MTRF1: variants seen among roughly 807,000 people sequenced by gnomAD.
MTRF1 encodes mitochondrial translation release factor 1, also known as peptide chain release factor 1, mitochondrial.
A neutral mutation model predicts 62.9 loss-of-function variants in MTRF1; 51 were observed. The ratio of observed to expected loss-of-function variants is 0.81; its 90% CI spans 0.65 to 1.02. The LOEUF is 1.02. Ranked by LOEUF, MTRF1 falls within the 50% of genes least tolerant of loss-of-function variation. The probability of loss-of-function intolerance (pLI) is 0.00; values close to 1 mark genes in which losing one functional copy is unlikely to be tolerated. For missense variants in MTRF1, 446 were observed against 530.0 expected, an observed-to-expected ratio of 0.84 and a Z score of 1.56; for synonymous variants, 158 against 181.9, an observed-to-expected ratio of 0.87 and a Z score of 1.06.
intron 2 of MTRF1, among the ~76,000 whole-genome samples, chr13:41,255,806 T>C (rs1001224539): frequency 1.3e-5 from 2 of 152,172 alleles, no homozygotes; most frequent in Non-Finnish European, 2.9e-5. Context: ...AGTTAAATCA[T>C]GGAACTCTAG....
the MTRF1 span, among the ~76,000 whole-genome samples, chr13:41,300,647 C>T: frequency 6.6e-6 from 1 of 151,612 alleles, no homozygotes; most frequent in African/African-American, 2.4e-5. Flanking sequence ...TGGCCTCAAG[C>T]AATCCTCCTG....
chr13:41,272,795 T>A, the MTRF1 span, among the ~76,000 whole-genome samples: 17 of 152,002 alleles, frequency 1.1e-4, no homozygotes, highest in African/African-American at 4.1e-4. Context: ...TCCATCGTCA[T>A]GGAAGCAGAA....
the MTRF1 span, among the ~76,000 whole-genome samples, chr13:41,276,854 C>G: frequency 1.3e-5 from 2 of 152,084 alleles, no homozygotes; most frequent in African/African-American, 4.8e-5. Context: ...AACCTATTGT[C>G]CTTTTGAGAT....
chr13:41,298,890 A>G, the MTRF1 span, among the ~76,000 whole-genome samples: 1 of 152,086 alleles, frequency 6.6e-6, no homozygotes, highest in Non-Finnish European at 1.5e-5. Flanking sequence ...GTCAAAAGAG[A>G]AGGAGGAGGC....
chr13:41,306,390 A>T, the MTRF1 span, among the ~76,000 whole-genome samples: 1 of 152,124 alleles, frequency 6.6e-6, no homozygotes, highest in African/African-American at 2.4e-5. Flanking sequence ...TCTCAAAAAA[A>T]AAAAAAGGAA....
At chr13:41,284,538 T>C in the MTRF1 span, among the ~76,000 whole-genome samples, 6 of 147,116 alleles carry the variant, frequency 4.1e-5, no homozygotes, top group Admixed American at 1.4e-4. Flanking sequence ...AGTGAGACCG[T>C]GTCTCAAAAA....
At chr13:41,269,886 T>C in the MTRF1 span, among the ~76,000 whole-genome samples, 2 of 152,190 alleles carry the variant, frequency 1.3e-5, no homozygotes, top group Non-Finnish European at 2.9e-5. Flanking sequence ...TTCCTGAGCG[T>C]AGGCCAAACT....
chr13:41,307,246 G>A, the MTRF1 span, among the ~76,000 whole-genome samples: 1 of 152,064 alleles, frequency 6.6e-6, no homozygotes, highest in Non-Finnish European at 1.5e-5. Context: ...GAGGGGCCTG[G>A]TAGGAGGTGA....
At chr13:41,298,408 G>A in the MTRF1 span, among the ~76,000 whole-genome samples, 1 of 1,138 alleles carries the variant, frequency 8.8e-4, no homozygotes, top group African/African-American at 3.0e-3. Context: ...CACTCTCATA[G>A]TGTAACATTA....
chr13:41,311,367 C>A, the MTRF1 span: 2 of 647,930 alleles, frequency 3.1e-6, no homozygotes, highest in Non-Finnish European at 2.7e-6. Context: ...GCCACCCGTG[C>A]CGAACAGCCA....
chr13:41,225,626 G>C (rs555920766), intron 8 of MTRF1, among the ~76,000 whole-genome samples: 22 of 151,636 alleles, frequency 1.5e-4, no homozygotes, highest in Non-Finnish European at 5.9e-5. Context: ...ATCCTAAAAG[G>C]CCACAAAATC....
chr13:41,260,538 G>A lies in MTRF1; in HGVS notation c.370C>T (p.Gln124Ter). The change falls in exon 2 of 10, where the codon CAG (glutamine) becomes TAG (stop). Residue 124 changes from glutamine to a stop codon, truncating the protein, a stop_gained. Transcript: ENST00000379480. LOFTEE classifies it high-confidence loss of function. ...TCTTCAATTGCTTGTTCAGTCTCCT[G>A]AATTTCTTGGTAAATGGCTGCAAGA... ...APLAAIYQEI[Q>*]ETEQAIEELE... is the part of the protein sequence containing the mutation. 6.2e-7 allele frequency: 1 copy of A among 1,613,842 alleles called. No homozygotes were observed. The highest frequency in any genetic ancestry group is 1.1e-5 in the South Asian group (1 of 91,064).
chr13:41,255,556 G>A (rs748137274), intron 2 of MTRF1, among the ~76,000 whole-genome samples: 53 of 152,102 alleles, frequency 3.5e-4, no homozygotes, highest in Non-Finnish European at 7.1e-4. Flanking sequence ...TACAGGCATG[G>A]TGGTGCACGC....
chr13:41,254,682 T>C, intron 2 of MTRF1, 62 bp from the exon 3 acceptor site: 1 of 1,247,490 alleles, frequency 8.0e-7, no homozygotes, highest in Non-Finnish European at 1.2e-6. Context: ...AACTCCTAAG[T>C]AGCCATGTTC....
At position 41,218,559 on chromosome 13, in the gene MTRF1, A is replaced by T. The variant is rs2032459852; in HGVS notation, c.1225-1331T>A. Among the ~76,000 whole-genome samples the T allele has an allele frequency of 2.0e-5, 3 of 152,322 alleles. No homozygotes were observed. The Middle Eastern group carries it at 0.01, about 518-fold the overall frequency. On this transcript the variant is annotated intron_variant, in intron 9 of 9. Transcript: ENST00000379480. ...AGTTGACTTCCCTGAAGTCTCGTCT[A>T]CAGTTCTCTGAAAAATGACTAAATT...
the MTRF1 span, among the ~76,000 whole-genome samples, chr13:41,281,036 T>C: frequency 1.3e-5 from 2 of 152,178 alleles, no homozygotes; most frequent in Non-Finnish European, 2.9e-5. Flanking sequence ...TGGTAAGAAT[T>C]GTATATCATA....
At chr13:41,269,490 G>A in the MTRF1 span, among the ~76,000 whole-genome samples, 9 of 151,830 alleles carry the variant, frequency 5.9e-5, no homozygotes, top group Admixed American at 1.3e-4. Flanking sequence ...GAGCAACCAC[G>A]CCCAGCCCTT....
the MTRF1 span, chr13:41,311,619 C>T: frequency 5.7e-6 from 9 of 1,584,160 alleles, no homozygotes; most frequent in Non-Finnish European, 7.7e-6. Context: ...CCCCCCGGTC[C>T]CCGGGTCCTC....
At chr13:41,275,119 T>C in the MTRF1 span, among the ~76,000 whole-genome samples, 1 of 152,262 alleles carries the variant, frequency 6.6e-6, no homozygotes, top group African/African-American at 2.4e-5. Flanking sequence ...AAGATTCATT[T>C]GATGAATCAG....
Sources: gnomAD v4.1 joint callset for allele counts (sites outside exome capture counted in the v4.1 genomes callset) on GRCh38, gnomAD v4.1.1 for gene constraint, MANE v1.5 for transcripts, NCBI Gene and HGNC (gene_info 2026-07-23, HGNC 2026-07-21) for gene names.